PCDH15: variants seen among roughly 807,000 people sequenced by gnomAD.
PCDH15 encodes the protein protocadherin related 15, also known as protocadherin-15.
In PCDH15, 129 loss-of-function variants were observed where a neutral mutation model predicts 178.5. The observed-to-expected ratio is 0.72, with a 90% CI of 0.63 to 0.84. The LOEUF is 0.84. Ranked by LOEUF, PCDH15 falls within the 40% of genes least tolerant of loss-of-function variation. PCDH15 has a pLI of 0.00. For missense variants in PCDH15, 2,230 were observed against 2,099.9 expected, an observed-to-expected ratio of 1.06 and a Z score of -1.21; for synonymous variants, 800 against 732.0, an observed-to-expected ratio of 1.09 and a Z score of -1.50.
intron 13 of PCDH15, among the ~76,000 whole-genome samples, chr10:54,168,924 T>TG (rs1037908353): frequency 6.6e-6 from 1 of 151,856 alleles, no homozygotes; most frequent in African/African-American, 2.4e-5. Context: ...TTGCCTCCAC[T>TG]GTGAGACAAA....
At chr10:54,100,120 C>G (rs1359405503) in intron 15 of PCDH15, among the ~76,000 whole-genome samples, 2 of 152,076 alleles carry the variant, frequency 1.3e-5, no homozygotes, top group Non-Finnish European at 2.9e-5. Flanking sequence ...GTAATCCCAG[C>G]ACTTTGGGAG....
At chr10:54,576,273 T>C (rs964996724) in intron 2 of PCDH15, among the ~76,000 whole-genome samples, 4 of 152,224 alleles carry the variant, frequency 2.6e-5, no homozygotes, top group African/African-American at 9.6e-5. Context: ...ATAAGTTTTC[T>C]ATAAAAATTA....
chr10:54,398,832 T>G (rs1006811537), intron 3 of PCDH15, among the ~76,000 whole-genome samples: 2 of 152,068 alleles, frequency 1.3e-5, no homozygotes, highest in Admixed American at 6.6e-5. Context: ...GAACTAAGCA[T>G]AGGATAGAAT....
At position 55,547,897 on chromosome 10, in the gene PCDH15, C is replaced by CTGTGTGTG. The variant is rs377033615; in HGVS notation, c.-156+79720_-156+79727dup. Among the ~76,000 whole-genome samples the CTGTGTGTG allele has an allele frequency of 2.4e-3, 245 of 102,040 alleles. 10 individuals are homozygous for CTGTGTGTG. The highest frequency in any genetic ancestry group is 7.6e-3 in the African/African-American group (169 of 22,174). 66.9% of individuals were successfully genotyped at this position (102,040 alleles called of 152,430 possible). A position where few individuals can be genotyped will look rare whatever the true frequency, so the allele number is the denominator to read the frequency against. ...CAATGCAGGGAGGTGGTGTGTGTGTCTGTGTGTGTGTGTGAGAGAGAGAGA... is the reference window on the plus strand; with the variant it reads ...CAATGCAGGGAGGTGGTGTGTGTGTCTGTGTGTGTGTGTGTGTGTGTGAGAGAGAGAGA... On this transcript the variant is annotated intron_variant, in intron 2 of 5. Coordinates refer to the PCDH15 transcript ENST00000613346.
intron 2 of PCDH15, among the ~76,000 whole-genome samples, chr10:55,036,478 T>C (rs946673504): frequency 2.6e-5 from 4 of 152,130 alleles, no homozygotes; most frequent in East Asian, 1.9e-4. Flanking sequence ...CTCTGTAGTA[T>C]AGAAATTTGA....
chr10:55,237,412 T>C (rs1841411874), intron 1 of PCDH15, among the ~76,000 whole-genome samples: 1 of 152,174 alleles, frequency 6.6e-6, no homozygotes, highest in Admixed American at 6.5e-5. Context: ...TCATAAAGAA[T>C]ACAAGAAATT....
intron 1 of PCDH15, among the ~76,000 whole-genome samples, chr10:54,718,697 T>TG: frequency 7.1e-6 from 1 of 141,082 alleles, no homozygotes; most frequent in Non-Finnish European, 1.5e-5. Flanking sequence ...TTTTTTTTTT[T>TG]TTTTTTTCTT....
In PCDH15 at chr10:53,990,533, A is replaced by ATATGTTCTATATT. The variant is rs1284563021; in HGVS notation, c.2868+5115_2868+5116insAATATAGAACATA. 2.7e-3 allele frequency among the ~76,000 whole-genome samples: 404 copies of ATATGTTCTATATT among 148,568 alleles called. 3 individuals carry two copies. Among genetic ancestry groups the ATATGTTCTATATT allele is most frequent in the African/African-American group, 9.7e-3 (395 of 40,848 alleles). On this transcript the variant is annotated intron_variant, in intron 21 of 37. Coordinates refer to ENST00000644397, the MANE Select transcript of PCDH15 (RefSeq NM_001384140.1). The stretch of plus-strand genomic sequence containing the variant: ...TGTTATATATATATATGTTCTATAT[A>ATATGTTCTATATT]TGTTTTATATATGTTATATATATAA...
chr10:55,171,793 T>C (rs775942901), intron 1 of PCDH15, among the ~76,000 whole-genome samples: 3 of 152,046 alleles, frequency 2.0e-5, no homozygotes, highest in Non-Finnish European at 2.9e-5. Flanking sequence ...GATTGTTACA[T>C]TAATAAGGAT....
At chr10:55,355,248 T>C (rs966723983) in intron 2 of PCDH15, among the ~76,000 whole-genome samples, 3 of 151,992 alleles carry the variant, frequency 2.0e-5, no homozygotes, top group Admixed American at 6.6e-5. Flanking sequence ...AAATCAGTGT[T>C]CATTTCTCTA....
At position 55,463,963 on chromosome 10, in the gene PCDH15, AAGAAAGAAAGAG is replaced by A. The variant is rs1839755837; in HGVS notation, c.-156+163650_-156+163661del. The stretch of plus-strand genomic sequence containing the variant: ...AAAGAAAGAAAGAAAGAAAGAAAGA[AAGAAAGAAAGAG>A]AAAGAAAGAAAGAAAGAGAAAGAAA... On this transcript the variant is annotated intron_variant, in intron 2 of 5. Coordinates refer to the PCDH15 transcript ENST00000613346. 4.5e-5 allele frequency among the ~76,000 whole-genome samples: 2 copies of A among 44,558 alleles called. 1 individual carries two copies. The highest frequency in any genetic ancestry group is 3.1e-4 in the African/African-American group (2 of 6,364). The allele number at this position is 44,558 out of a possible 152,430, so 29.2% of individuals were successfully genotyped here. A position where few individuals can be genotyped will look rare whatever the true frequency, so the allele number is the denominator to read the frequency against.
chr10:53,878,387 T>C (rs1243935300), intron 26 of PCDH15, among the ~76,000 whole-genome samples: 1 of 141,488 alleles, frequency 7.1e-6, no homozygotes, highest in East Asian at 2.0e-4. Context: ...ATATATAGTC[T>C]ATATATATAC....
At chr10:54,893,167 A>G (rs1027042385) in intron 3 of PCDH15, among the ~76,000 whole-genome samples, 1 of 152,190 alleles carries the variant, frequency 6.6e-6, no homozygotes. Flanking sequence ...AATATGTTAC[A>G]TGTGTTCATA....
At chr10:54,328,603 G>C (rs962492471) in intron 7 of PCDH15, among the ~76,000 whole-genome samples, 22 of 151,996 alleles carry the variant, frequency 1.4e-4, no homozygotes, top group Non-Finnish European at 2.5e-4. Flanking sequence ...TGTTGGATGG[G>C]AGAAAACTCT....
At chr10:54,877,496 C>T (rs1463981808) in intron 3 of PCDH15, among the ~76,000 whole-genome samples, 3 of 152,264 alleles carry the variant, frequency 2.0e-5, no homozygotes, top group Admixed American at 6.5e-5. Flanking sequence ...GAAAACCTCT[C>T]TGATGAATTA....
At chr10:53,999,499 G>T (rs2092019902) in intron 20 of PCDH15, among the ~76,000 whole-genome samples, 1 of 152,074 alleles carries the variant, frequency 6.6e-6, no homozygotes, top group African/African-American at 2.4e-5. Flanking sequence ...TGCAGCTAAA[G>T]AAAATATTTG....
intron 9 of PCDH15, among the ~76,000 whole-genome samples, chr10:54,229,643 T>A (rs2053847411): frequency 6.6e-6 from 1 of 152,152 alleles, no homozygotes; most frequent in South Asian, 2.1e-4. Flanking sequence ...AGTGGGAGTT[T>A]CCTTCACAAG....
chr10:54,534,559 A>G (rs1450715485), intron 2 of PCDH15, among the ~76,000 whole-genome samples: 1 of 152,192 alleles, frequency 6.6e-6, no homozygotes, highest in Non-Finnish European at 1.5e-5. Context: ...TGAAACCTCT[A>G]TTCCTGCCAA....
At chr10:54,754,158 AG>A (rs1200491732) in intron 1 of PCDH15, among the ~76,000 whole-genome samples, 1 of 143,084 alleles carries the variant, frequency 7.0e-6, no homozygotes, top group African/African-American at 2.6e-5. Flanking sequence ...GAAAAGTGAC[AG>A]GTTTAGTAAT....
Sources: gnomAD v4.1 joint callset for allele counts (sites outside exome capture counted in the v4.1 genomes callset) on GRCh38, gnomAD v4.1.1 for gene constraint, MANE v1.5 for transcripts, NCBI Gene and HGNC (gene_info 2026-07-23, HGNC 2026-07-21) for gene names.